The following MYRFL variants were observed in gnomAD, a reference collection of about 807,000 sequenced individuals.
MYRFL encodes the protein myelin regulatory factor-like protein.
MYRFL carries 88 observed loss-of-function variants against 109.4 expected under a neutral mutation model. The observed-to-expected ratio is 0.80, with a 90% CI of 0.68 to 0.96. MYRFL has a LOEUF of 0.96. MYRFL is among the 40% of genes least tolerant of loss of function. The pLI is 0.00. For synonymous variants in MYRFL, 324 were observed against 320.9 expected, an observed-to-expected ratio of 1.01 and a Z score of -0.10; for missense variants, 957 against 954.9, an observed-to-expected ratio of 1.00 and a Z score of -0.03.
intron 10 of MYRFL, among the ~76,000 whole-genome samples, chr12:69,902,070 T>C (rs1954212793): frequency 6.6e-6 from 1 of 152,020 alleles, no homozygotes; most frequent in South Asian, 2.1e-4. Context: ...ATTTTTGTAT[T>C]TTTAGTAGAG....
intron 5 of MYRFL, among the ~76,000 whole-genome samples, chr12:69,883,367 C>A (rs1487027864): frequency 6.6e-6 from 1 of 152,108 alleles, no homozygotes; most frequent in African/African-American, 2.4e-5. Context: ...TGTACATATG[C>A]CCACCAAAAG....
At chr12:69,937,034 CTAATT>C in intron 19 of MYRFL, among the ~76,000 whole-genome samples, 1 of 152,204 alleles carries the variant, frequency 6.6e-6, no homozygotes, top group East Asian at 1.9e-4. Flanking sequence ...TTTGGAAACT[CTAATT>C]TAGAGTTCAG....
intron 2 of MYRFL, among the ~76,000 whole-genome samples, chr12:69,866,437 C>A (rs543040806): frequency 3.3e-5 from 5 of 152,194 alleles, no homozygotes; most frequent in Non-Finnish European, 5.9e-5. Flanking sequence ...TCAAATACTC[C>A]AAGTTTTAAG....
chr12:69,856,134 A>G (rs750639604), intron 2 of MYRFL, among the ~76,000 whole-genome samples: 57 of 152,108 alleles, frequency 3.7e-4, no homozygotes, highest in African/African-American at 1.3e-3. Flanking sequence ...TTTTGTTGCT[A>G]TGGTTTTGAT....
Position 69,946,213 on chromosome 12 carries a change from GA to G in MYRFL, c.2225-5896del, listed in dbSNP as rs559576831. 2.0e-3 allele frequency among the ~76,000 whole-genome samples: 303 copies of G among 152,038 alleles called. 2 individuals are homozygous for G. Among genetic ancestry groups the G allele is most frequent in the Admixed American group, 3.7e-3 (56 of 15,264 alleles). On this transcript the variant is annotated intron_variant, in intron 19 of 24. Coordinates refer to ENST00000552032, the MANE Select transcript of MYRFL (RefSeq NM_182530.3). The stretch of plus-strand genomic sequence containing the variant: ...AAGAAAGAAGTGATTCCCAAGGAAA[GA>G]AAATTTGCTCCATGGTGCCAGGCTG...
At chr12:69,837,791 C>T (rs908414259) in intron 1 of MYRFL, among the ~76,000 whole-genome samples, 1 of 152,194 alleles carries the variant, frequency 6.6e-6, no homozygotes, top group African/African-American at 2.4e-5. Context: ...GTCATTCCCT[C>T]AGGGGCTCCC....
intron 10 of MYRFL, among the ~76,000 whole-genome samples, chr12:69,900,754 A>G: frequency 6.6e-6 from 1 of 152,208 alleles, no homozygotes. Context: ...CTTCTAACTC[A>G]GCATAGCCTT....
chr12:69,945,350 T>G (rs1417904211), intron 19 of MYRFL, among the ~76,000 whole-genome samples: 1 of 152,246 alleles, frequency 6.6e-6, no homozygotes, highest in African/African-American at 2.4e-5. Context: ...ACAGGTGGAC[T>G]AGTTTTTGTC....
At chr12:69,947,296 A>C (rs1344724044) in intron 19 of MYRFL, among the ~76,000 whole-genome samples, 1 of 152,196 alleles carries the variant, frequency 6.6e-6, no homozygotes, top group Non-Finnish European at 1.5e-5. Flanking sequence ...CTCCTCCCTG[A>C]GGAGTAAGAC....
intron 10 of MYRFL, among the ~76,000 whole-genome samples, chr12:69,898,892 T>C (rs1954089996): frequency 7.3e-6 from 1 of 136,552 alleles, no homozygotes; most frequent in African/African-American, 2.8e-5. Flanking sequence ...TAGCATTCTG[T>C]TTACCAAAAA....
At position 69,850,967 on chromosome 12, in the gene MYRFL, C is replaced by T. The variant is rs184169349; in HGVS notation, c.47-4313C>T. Among the ~76,000 whole-genome samples the T allele has an allele frequency of 2.7e-3, 414 of 152,186 alleles. 1 individual carries two copies. The highest frequency in any genetic ancestry group is 9.6e-3 in the African/African-American group (399 of 41,540). The stretch of plus-strand genomic sequence containing the variant: ...TTTATATTGGGAAAGAAATTCACCG[C>T]ATACAAGATTTTGCAACCCACTTTT... On this transcript the variant is annotated intron_variant, in intron 1 of 24. Transcript: ENST00000552032.
At chr12:69,864,832 A>G (rs1033163843) in intron 2 of MYRFL, among the ~76,000 whole-genome samples, 2 of 152,148 alleles carry the variant, frequency 1.3e-5, no homozygotes, top group Non-Finnish European at 1.5e-5. Context: ...ACTTGTATGA[A>G]TTGTGGACAA....
chr12:69,827,559 T>C (rs916561289), intron 1 of MYRFL, among the ~76,000 whole-genome samples: 1 of 152,046 alleles, frequency 6.6e-6, no homozygotes, highest in Non-Finnish European at 1.5e-5. Context: ...CCATGTGAGA[T>C]GTTTGGTTTT....
At chr12:69,837,442 C>A (rs1883014632) in intron 1 of MYRFL, among the ~76,000 whole-genome samples, 1 of 152,054 alleles carries the variant, frequency 6.6e-6, no homozygotes, top group Non-Finnish European at 1.5e-5. Context: ...ACAATTGGTT[C>A]ATTGTTCTGA....
At position 69,873,884 on chromosome 12, in the gene MYRFL, CTCCTT is replaced by C. The variant is rs1885503983; in HGVS notation, c.138-5141_138-5137del. On this transcript the variant is annotated intron_variant, in intron 2 of 24. Coordinates refer to ENST00000552032, the MANE Select transcript of MYRFL (RefSeq NM_182530.3). ...CCTTCTGTTTCTTATTCTTCTGTAA[CTCCTT>C]TCTTGGTTTATTTTGTATTGTTTGA... Among the ~76,000 whole-genome samples the C allele has an allele frequency of 2.0e-5, 3 of 151,384 alleles. 1 individual carries two copies. Among genetic ancestry groups the C allele is most frequent in the Admixed American group, 2.0e-4 (3 of 15,206 alleles).
intron 2 of MYRFL, among the ~76,000 whole-genome samples, chr12:69,878,208 A>T (rs2136331910): frequency 7.0e-6 from 1 of 141,958 alleles, no homozygotes; most frequent in South Asian, 2.2e-4. Context: ...ATGTCACTGT[A>T]CTCCAGCCTG....
At position 69,900,870 on chromosome 12, in the gene MYRFL, G is replaced by C. The variant is rs144940840; in HGVS notation, c.1183-2774G>C. Among the ~76,000 whole-genome samples the C allele has an allele frequency of 3.9e-3, 595 of 152,296 alleles. 2 individuals carry two copies. Among genetic ancestry groups the C allele is most frequent in the Non-Finnish European group, 6.6e-3 (452 of 68,030 alleles). The stretch of plus-strand genomic sequence containing the variant: ...CCCCTGGAATTGTGCAACTCTGCAG[G>C]TGCGTTGCTGAGGAGAGCAGATGAA... On this transcript the variant is annotated intron_variant, in intron 10 of 24. Transcript: ENST00000552032.
In MYRFL at chr12:69,936,106, T is replaced by TCC; in HGVS notation, c.1917-7_1917-6insCC. On this transcript the variant is annotated splice_region_variant and splice_polypyrimidine_tract_variant and intron_variant, in intron 16 of 24. Transcript: ENST00000552032. ...TTTTTTTTTTTTTTTTTTTTTTTTT[T>TCC]TGACAGTGCTTTGACGATAGTTGCC... 1 of 1,049,542 alleles carries TCC rather than the reference T, an allele frequency of 9.5e-7. No individual in the cohort carries two copies. The highest frequency in any genetic ancestry group is 1.3e-6 in the Non-Finnish European group (1 of 764,626). 65.0% of individuals were successfully genotyped at this position (1,049,542 alleles called of 1,614,324 possible).
In MYRFL at chr12:69,926,596, G is replaced by C. The variant is rs1404307478; in HGVS notation, c.1628G>C (p.Gly543Ala). The C allele has an allele frequency of 2.0e-6, 3 of 1,514,794 alleles. No homozygotes were observed. In the South Asian group the frequency reaches 3.7e-5, roughly 19 times the overall value. 93.8% of individuals were successfully genotyped at this position (1,514,794 alleles called of 1,614,324 possible). A position where few individuals can be genotyped will look rare whatever the true frequency, so the allele number is the denominator to read the frequency against. Residue 543 changes from glycine to alanine, a missense_variant, in exon 14 of 25, where the codon GGT (glycine) becomes GCT (alanine). Gly to Ala is a moderately conservative substitution (Grantham distance 60, BLOSUM62 0). Transcript: ENST00000552032. The stretch of plus-strand genomic sequence containing the variant: ...GACCAGATCTTTATGGAAAATGTAG[G>C]TGCAGTGAAGCAACTGTGCAAACTA... ...DKDQIFMENV[G>A]AVKQLCKLTN... is the part of the protein sequence containing the mutation.
Sources: allele counts gnomAD v4.1 joint callset (sites outside exome capture counted in the v4.1 genomes callset), GRCh38; gene constraint gnomAD v4.1.1; transcripts MANE v1.5; gene names NCBI Gene and HGNC (gene_info 2026-07-23, HGNC 2026-07-21).